Variants in ELK3 observed in about 807,000 individuals in gnomAD.
ELK3 encodes ETS transcription factor ELK3.
ELK3 carries 10 observed loss-of-function variants against 28.9 expected under a neutral mutation model. The observed-to-expected ratio is 0.35, with a 90% CI of 0.21 to 0.59. ELK3 has a LOEUF of 0.59. ELK3 is among the 20% of genes least tolerant of loss of function. The pLI is 0.82. For synonymous variants in ELK3, 272 were observed against 243.5 expected (o/e 1.12, Z -1.09); for missense variants, 463 against 517.3 (o/e 0.90, Z 1.02).
intron 1 of ELK3, among the ~76,000 whole-genome samples, chr12:96,202,362 C>T (rs1238791266): frequency 6.6e-6 from 1 of 152,120 alleles, no homozygotes; most frequent in Non-Finnish European, 1.5e-5. Flanking sequence ...AGAATTTTCC[C>T]CCCGACCCCT....
chr12:96,229,851 AT>A (rs1951728503), intron 2 of ELK3, among the ~76,000 whole-genome samples: 1 of 152,032 alleles, frequency 6.6e-6, no homozygotes, highest in Non-Finnish European at 1.5e-5. Flanking sequence ...TCTTATGAGG[AT>A]ACCGGTCATT....
intron 1 of ELK3, among the ~76,000 whole-genome samples, chr12:96,204,220 T>C (rs922535427): frequency 6.6e-6 from 1 of 152,198 alleles, no homozygotes; most frequent in Non-Finnish European, 1.5e-5. Context: ...ATTAGTCCTT[T>C]ATTAAAGACT....
intron 3 of ELK3, among the ~76,000 whole-genome samples, chr12:96,253,707 T>C (rs775170118): frequency 3.9e-5 from 6 of 152,172 alleles, no homozygotes; most frequent in Non-Finnish European, 5.9e-5. Flanking sequence ...TTTACTTTCT[T>C]AGAGACTGAG....
rs528843498 is a variant in ELK3, at chr12:96,219,877, G to A, written c.-2-3688G>A. On this transcript the variant is annotated intron_variant, in intron 1 of 4. Transcript: ENST00000228741. The stretch of plus-strand genomic sequence containing the variant: ...GTCATCGAAACTGGTGGATCCACCA[G>A]GTTGAAGGAGTGGCTCAAGAGAGCG... Among the ~76,000 whole-genome samples, 342 of 152,332 alleles carry A rather than the reference G, an allele frequency of 2.2e-3. 1 individual carries two copies. Among genetic ancestry groups the A allele is most frequent in the African/African-American group, 7.2e-3 (301 of 41,580 alleles).
At chr12:96,222,674 C>G (rs1372284373) in intron 1 of ELK3, 1 of 152,246 alleles carries the variant, frequency 6.6e-6, no homozygotes, top group Admixed American at 6.5e-5. Flanking sequence ...ACATATACCA[C>G]AACCACAGGA....
chr12:96,214,153 A>G (rs1436509620), intron 1 of ELK3, among the ~76,000 whole-genome samples: 3 of 152,146 alleles, frequency 2.0e-5, no homozygotes, highest in Non-Finnish European at 4.4e-5. Flanking sequence ...AGACTGGGCC[A>G]GACACGGTGG....
intron 1 of ELK3, among the ~76,000 whole-genome samples, chr12:96,200,079 A>T (rs537595419): frequency 6.6e-6 from 1 of 152,328 alleles, no homozygotes; most frequent in African/African-American, 2.4e-5. Context: ...TTAAATTGAT[A>T]TAAATGTACA....
intron 2 of ELK3, among the ~76,000 whole-genome samples, chr12:96,235,215 C>A (rs538281147): frequency 1.3e-5 from 2 of 149,492 alleles, no homozygotes; most frequent in Non-Finnish European, 3.0e-5. Flanking sequence ...CGCCCCCCAC[C>A]CCAGCATCTT....
chr12:96,206,023 A>G (rs956562545), intron 1 of ELK3, among the ~76,000 whole-genome samples: 1 of 152,182 alleles, frequency 6.6e-6, no homozygotes, highest in East Asian at 1.9e-4. Flanking sequence ...CAGATGACCC[A>G]AGTGTACTGT....
intron 1 of ELK3, among the ~76,000 whole-genome samples, chr12:96,197,430 A>T (rs1592665756): frequency 3.9e-5 from 6 of 152,352 alleles, no homozygotes; most frequent in African/African-American, 1.4e-4. Context: ...ATGATGATGA[A>T]GATGATGAAA....
chr12:96,196,187 G>A (rs1592947726), intron 1 of ELK3, among the ~76,000 whole-genome samples: 1 of 152,198 alleles, frequency 6.6e-6, no homozygotes, highest in East Asian at 1.9e-4. Context: ...GCCACTGTCA[G>A]CCTGGGAGCC....
At chr12:96,203,425 T>C (rs1951518861) in intron 1 of ELK3, among the ~76,000 whole-genome samples, 1 of 152,198 alleles carries the variant, frequency 6.6e-6, no homozygotes, top group South Asian at 2.1e-4. Context: ...CCTCTGGGCC[T>C]GCGTCCGTTT....
At chr12:96,264,821 T>C (rs958476720) in intron 4 of ELK3, among the ~76,000 whole-genome samples, 2 of 152,174 alleles carry the variant, frequency 1.3e-5, no homozygotes, top group Non-Finnish European at 2.9e-5. Context: ...TTAACATTTA[T>C]TGATGATTGA....
rs1182441280 is a variant in ELK3, at chr12:96,259,841, C to T, written c.1113C>T (p.Ser371=). The change falls in exon 4 of 5, where the codon AGC becomes AGT. Residue 371 remains serine, a synonymous_variant. Transcript: ENST00000228741. ...PLSPARLQGP[S]TLFQFPTLLN... ...GTCCTGCCAGGCTGCAAGGGCCAAGCACGCTGTTCCAGGTGAGCGTTTGGA... is the reference window on the plus strand; with the variant it reads ...GTCCTGCCAGGCTGCAAGGGCCAAGTACGCTGTTCCAGGTGAGCGTTTGGA... The T allele has an allele frequency of 1.9e-5, 31 of 1,601,616 alleles. No individual in the cohort carries two copies. Among genetic ancestry groups the T allele is most frequent in the Non-Finnish European group, 2.6e-5 (31 of 1,175,318 alleles).
chr12:96,213,119 C>CGAAGGGGGCATAGAAACCTTGTT (rs1227779256), intron 1 of ELK3, among the ~76,000 whole-genome samples: 2 of 152,048 alleles, frequency 1.3e-5, no homozygotes, highest in Non-Finnish European at 2.9e-5. Flanking sequence ...AAGGCATATA[C>CGAAGGGGGCATAGAAACCTTGTT]GAAGGGGGCA....
chr12:96,217,825 C>T (rs1470269562), intron 1 of ELK3, among the ~76,000 whole-genome samples: 1 of 151,290 alleles, frequency 6.6e-6, no homozygotes, highest in African/African-American at 2.4e-5. Flanking sequence ...GTGGTCCCAG[C>T]TACTTGGAAG....
chr12:96,224,254 G>A (rs997558416), intron 2 of ELK3, among the ~76,000 whole-genome samples: 1 of 152,138 alleles, frequency 6.6e-6, no homozygotes, highest in Non-Finnish European at 1.5e-5. Flanking sequence ...ATAATAATAG[G>A]AATAGGAATC....
chr12:96,223,802 C>T, intron 2 of ELK3, 29 bp downstream of exon 2: 1 of 1,609,576 alleles, frequency 6.2e-7, no homozygotes, highest in Non-Finnish European at 8.5e-7. Flanking sequence ...ATGGGGCCGT[C>T]TTGGGGAGGG....
intron 2 of ELK3, among the ~76,000 whole-genome samples, chr12:96,237,696 G>A (rs145101112): frequency 1.8e-3 from 276 of 152,352 alleles, no homozygotes; most frequent in African/African-American, 6.3e-3. Flanking sequence ...CAAGAGGACC[G>A]CTTGAGCCCA....
Sources: gnomAD v4.1 joint callset for allele counts (sites outside exome capture counted in the v4.1 genomes callset) on GRCh38, gnomAD v4.1.1 for gene constraint, MANE v1.5 for transcripts, NCBI Gene and HGNC (gene_info 2026-07-23, HGNC 2026-07-21) for gene names.